WDR49: variants seen among roughly 807,000 people sequenced by gnomAD.
WDR49 encodes the protein cilia- and flagella-associated protein 337.
WDR49 carries 107 observed loss-of-function variants against 119.5 expected under a neutral mutation model. The observed-to-expected ratio is 0.90, with a 90% CI of 0.77 to 1.05. The LOEUF (loss-of-function observed/expected upper bound fraction) is 1.05. Ranked by LOEUF, WDR49 falls within the 50% of genes least tolerant of loss-of-function variation. The pLI, the probability that WDR49 is intolerant of heterozygous loss-of-function variation, is 0.00. For synonymous variants in WDR49, 425 were observed against 418.8 expected (o/e 1.01, Z -0.18); for missense variants, 1,240 against 1,220.5 (o/e 1.02, Z -0.24).
Position 167,604,408 on chromosome 3 carries a change from A to G in WDR49, c.1019T>C (p.Val340Ala), listed in dbSNP as rs766290626. Residue 340 changes from valine to alanine, a missense_variant, in exon 6 of 19, where the codon GTG becomes GCG. Val to Ala is a moderately conservative substitution (Grantham distance 64). Transcript: ENST00000682715. The stretch of plus-strand genomic sequence containing the variant: ...TGATTTCTCTCTCCAAGCCATCACC[A>G]CACTATTTGTATTGCTGGTTGTACT... The part of the protein sequence containing the change: ...ISSTTSNTNS[V>A]VMAWREKSKK... The G allele has an allele frequency of 6.2e-7, 1 of 1,613,700 alleles. No homozygotes were observed. The highest frequency in any genetic ancestry group is 8.5e-7 in the Non-Finnish European group (1 of 1,179,870).
chr3:167,573,852 C>A (rs1043887990), intron 8 of WDR49, among the ~76,000 whole-genome samples: 3 of 152,122 alleles, frequency 2.0e-5, no homozygotes, highest in Admixed American at 6.5e-5. Flanking sequence ...AAAGTATTCC[C>A]AAACTTGCCA....
chr3:167,623,558 TACA>T (rs368581442), intron 3 of WDR49, among the ~76,000 whole-genome samples: 20 of 151,900 alleles, frequency 1.3e-4, no homozygotes, highest in Admixed American at 3.3e-4. Flanking sequence ...AAACAGCATG[TACA>T]ACAACAACAA....
intron 18 of WDR49, among the ~76,000 whole-genome samples, chr3:167,493,835 G>A (rs1202196802): frequency 3.3e-5 from 5 of 151,988 alleles, no homozygotes; most frequent in Non-Finnish European, 7.4e-5. Context: ...TGTCCCATAG[G>A]CACCTCCATC....
intron 2 of WDR49, among the ~76,000 whole-genome samples, chr3:167,636,607 C>A (rs1472809397): frequency 6.6e-6 from 1 of 151,746 alleles, no homozygotes; most frequent in East Asian, 1.9e-4. Flanking sequence ...TGCATTCCCA[C>A]CAGCAATGTA....
At chr3:167,591,205 T>C (rs1180594791) in intron 7 of WDR49, among the ~76,000 whole-genome samples, 1 of 152,134 alleles carries the variant, frequency 6.6e-6, no homozygotes, top group Non-Finnish European at 1.5e-5. Flanking sequence ...TCCATGTATT[T>C]GTACAATTTT....
chr3:167,536,295 C>T (rs1753023373), intron 11 of WDR49, among the ~76,000 whole-genome samples: 2 of 152,048 alleles, frequency 1.3e-5, no homozygotes, highest in Non-Finnish European at 2.9e-5. Flanking sequence ...ATGATCTGAT[C>T]ATTGCACAAT....
Position 167,561,848 on chromosome 3 carries a change from TAGAC to T in WDR49, c.1510-1624_1510-1621del, listed in dbSNP as rs79864984. 6.7e-3 allele frequency among the ~76,000 whole-genome samples: 1,023 copies of T among 152,282 alleles called. 6 individuals are homozygous for T. The highest frequency in any genetic ancestry group is 0.011 in the Non-Finnish European group (718 of 68,022). On this transcript the variant is annotated intron_variant, in intron 8 of 18. Transcript: ENST00000682715. The stretch of plus-strand genomic sequence containing the variant: ...AACTTACAGGTTTGAATCCTTGACA[TAGAC>T]AGCCACATCATAAGGTCTTCCTCTA...
At chr3:167,639,099 G>C (rs1456265549) in intron 2 of WDR49, among the ~76,000 whole-genome samples, 1 of 151,654 alleles carries the variant, frequency 6.6e-6, no homozygotes, top group Non-Finnish European at 1.5e-5. Flanking sequence ...TTTGTGCCTA[G>C]GCTAGAAACT....
intron 18 of WDR49, among the ~76,000 whole-genome samples, chr3:167,494,667 GA>G (rs1751277679): frequency 6.6e-6 from 1 of 152,160 alleles, no homozygotes; most frequent in Non-Finnish European, 1.5e-5. Flanking sequence ...GCATTCGACT[GA>G]GAGACTCTCT....
chr3:167,592,140 C>T lies in WDR49; in HGVS notation c.1275+9987G>A, dbSNP rs561228956. ...ATCCGTTATTTTAAACTGATAGCAA[C>T]TTAACACTATTCGTATAAACAAACC... On this transcript the variant is annotated intron_variant, in intron 7 of 18. Coordinates refer to ENST00000682715, the MANE Select transcript of WDR49 (RefSeq NM_001366157.1). Among the ~76,000 whole-genome samples the T allele has an allele frequency of 3.3e-5, 5 of 152,222 alleles. No individual in the cohort carries two copies. In the East Asian group the frequency reaches 9.6e-4, roughly 29 times the overall value.
At chr3:167,582,949 AACACAC>A (rs369014712) in intron 7 of WDR49, among the ~76,000 whole-genome samples, 105 of 149,236 alleles carry the variant, frequency 7.0e-4, no homozygotes, top group African/African-American at 2.5e-3. Context: ...TCTCAAAACA[AACACAC>A]ACACACACAC....
intron 11 of WDR49, among the ~76,000 whole-genome samples, chr3:167,533,924 T>G (rs896947361): frequency 6.6e-6 from 1 of 151,992 alleles, no homozygotes; most frequent in Non-Finnish European, 1.5e-5. Flanking sequence ...AACTCTGTAT[T>G]GTCCTAGAAA....
At chr3:167,656,298 T>C (rs1718601187), upstream of WDR49, among the ~76,000 whole-genome samples, 1 of 152,228 alleles carries the variant, frequency 6.6e-6, no homozygotes, top group Admixed American at 6.5e-5. Context: ...ATTTGTCTTC[T>C]TATCACCCTA....
At chr3:167,610,892 C>T (rs756878864) in intron 5 of WDR49, among the ~76,000 whole-genome samples, 2 of 152,180 alleles carry the variant, frequency 1.3e-5, no homozygotes, top group South Asian at 2.1e-4. Flanking sequence ...ACAAGAGTCT[C>T]TGTCTGGTAA....
At chr3:167,609,313 A>G (rs1243945443) in intron 5 of WDR49, among the ~76,000 whole-genome samples, 1 of 152,182 alleles carries the variant, frequency 6.6e-6, no homozygotes, top group Non-Finnish European at 1.5e-5. Flanking sequence ...AAAAAAAAAC[A>G]GTACTGAATC....
chr3:167,549,205 C>T (rs1712396524), intron 10 of WDR49, among the ~76,000 whole-genome samples: 1 of 152,118 alleles, frequency 6.6e-6, no homozygotes, highest in East Asian at 1.9e-4. Flanking sequence ...TGGGTATATG[C>T]CCAGTAATGG....
chr3:167,498,676 C>T (rs535933057), intron 18 of WDR49, among the ~76,000 whole-genome samples: 1 of 152,252 alleles, frequency 6.6e-6, no homozygotes, highest in South Asian at 2.1e-4. Context: ...TTAGAGCACC[C>T]TCCAGAGAAA....
At chr3:167,589,328 T>C (rs1322880823) in intron 7 of WDR49, among the ~76,000 whole-genome samples, 2 of 152,168 alleles carry the variant, frequency 1.3e-5, no homozygotes, top group African/African-American at 2.4e-5. Flanking sequence ...CATGACGTTT[T>C]GGTTACTGTA....
intron 10 of WDR49, among the ~76,000 whole-genome samples, chr3:167,552,350 A>G (rs1218441846): frequency 6.6e-6 from 1 of 152,058 alleles, no homozygotes; most frequent in Non-Finnish European, 1.5e-5. Flanking sequence ...AGGACAAAGC[A>G]CAAGTTAGAA....
Sources: gnomAD v4.1 joint callset for allele counts (sites outside exome capture counted in the v4.1 genomes callset) on GRCh38, gnomAD v4.1.1 for gene constraint, MANE v1.5 for transcripts, NCBI Gene and HGNC (gene_info 2026-07-23, HGNC 2026-07-21) for gene names.